Variants in CDK19 observed in about 807,000 individuals in gnomAD.
CDK19 encodes cyclin dependent kinase 19, also known as cyclin-dependent kinase 19.
In CDK19, 20 loss-of-function variants were observed where a neutral mutation model predicts 68.3. That is an observed-to-expected ratio of 0.29 (90% CI 0.21 to 0.43). CDK19 has a LOEUF of 0.43. Among genes scored for constraint, CDK19 ranks in the 20% least tolerant of loss-of-function variants. The pLI is 1.00. For missense variants in CDK19, 339 were observed against 623.5 expected, an observed-to-expected ratio of 0.54 and a Z score of 4.86; for synonymous variants, 221 against 222.8, an observed-to-expected ratio of 0.99 and a Z score of 0.07.
chr6:110,646,978 A>T (rs1780635873), intron 4 of CDK19, among the ~76,000 whole-genome samples: 1 of 150,652 alleles, frequency 6.6e-6, no homozygotes, highest in African/African-American at 2.4e-5. Context: ...GGCTGCAAGG[A>T]CTCCCCACAG....
At chr6:110,643,227 A>G in intron 4 of CDK19, 2 of 1,280,396 alleles carry the variant, frequency 1.6e-6, no homozygotes, top group Non-Finnish European at 2.0e-6. Flanking sequence ...TACATTTTCC[A>G]GCTAAAAGAC....
At chr6:110,649,016 C>T (rs1215150251) in intron 4 of CDK19, among the ~76,000 whole-genome samples, 1 of 151,994 alleles carries the variant, frequency 6.6e-6, no homozygotes, top group Non-Finnish European at 1.5e-5. Flanking sequence ...CTGGCCGAAA[C>T]CTTATCTTAA....
At chr6:110,641,393 T>A (rs1395871517) in intron 4 of CDK19, among the ~76,000 whole-genome samples, 1 of 151,740 alleles carries the variant, frequency 6.6e-6, no homozygotes, top group Non-Finnish European at 1.5e-5. Flanking sequence ...GGTCAGGAGT[T>A]CAAGACCGGC....
intron 1 of CDK19, among the ~76,000 whole-genome samples, chr6:110,766,150 A>G (rs551240301): frequency 6.6e-6 from 1 of 152,354 alleles, no homozygotes; most frequent in South Asian, 2.1e-4. Flanking sequence ...CTGCACTCCT[A>G]TGTTTATTGC....
At chr6:110,685,657 T>C (rs551591810) in intron 2 of CDK19, among the ~76,000 whole-genome samples, 162 of 152,280 alleles carry the variant, frequency 1.1e-3, no homozygotes, top group Middle Eastern at 3.4e-3. Context: ...CTTCCTAAGA[T>C]AAAAAGTCTG....
rs372994887 is a variant in CDK19, at chr6:110,671,416, A to T, written c.205-875T>A. On this transcript the variant is annotated intron_variant, in intron 2 of 12. Transcript: ENST00000368911. ...ATATTCAATTTAATAAATATTTTGA[A>T]TACCTTTTAAATGTAAAGCTCTGTG... Among the ~76,000 whole-genome samples, 16 of 152,206 alleles carry T rather than the reference A, an allele frequency of 1.1e-4. 1 individual carries two copies. Among genetic ancestry groups the T allele is most frequent in the Admixed American group, 9.2e-4 (14 of 15,278 alleles).
At chr6:110,772,293 G>A (rs2114997640) in intron 1 of CDK19, among the ~76,000 whole-genome samples, 1 of 152,134 alleles carries the variant, frequency 6.6e-6, no homozygotes, top group East Asian at 1.9e-4. Context: ...AAATGAGAAG[G>A]ATCCAAAAAC....
At chr6:110,758,200 C>T (rs1348790125) in intron 1 of CDK19, among the ~76,000 whole-genome samples, 4 of 151,380 alleles carry the variant, frequency 2.6e-5, no homozygotes, top group Non-Finnish European at 5.9e-5. Flanking sequence ...CCCACCTCCC[C>T]GCAACAAAAA....
intron 1 of CDK19, among the ~76,000 whole-genome samples, chr6:110,811,958 G>A (rs1583158515): frequency 6.6e-6 from 1 of 151,662 alleles, no homozygotes; most frequent in African/African-American, 2.4e-5. Flanking sequence ...AGCATTTTGG[G>A]AGGCTGAGAC....
rs149040277 is a variant in CDK19, at chr6:110,704,357, T to G, written c.205-33816A>C. Among the ~76,000 whole-genome samples the G allele has an allele frequency of 2.1e-3, 317 of 152,334 alleles. 2 individuals carry two copies. Among genetic ancestry groups the G allele is most frequent in the African/African-American group, 7.1e-3 (294 of 41,558 alleles). On this transcript the variant is annotated intron_variant, in intron 2 of 12. Transcript: ENST00000368911. ...CTTTTTTTAATTTCATGAACCCCAA[T>G]GTCATGTATCTTTACTACTTACCTT...
intron 2 of CDK19, among the ~76,000 whole-genome samples, chr6:110,699,621 T>C (rs1199926202): frequency 6.6e-6 from 1 of 152,082 alleles, no homozygotes; most frequent in Non-Finnish European, 1.5e-5. Context: ...TTGGTTATAA[T>C]GTACACTACT....
chr6:110,795,991 GGTAAA>G (rs1367779833), intron 1 of CDK19, among the ~76,000 whole-genome samples: 1 of 152,130 alleles, frequency 6.6e-6, no homozygotes, highest in Non-Finnish European at 1.5e-5. Context: ...TACATAATTA[GGTAAA>G]GTAATTTAGT....
chr6:110,733,415 G>C (rs1185881998), intron 2 of CDK19, among the ~76,000 whole-genome samples: 1 of 152,086 alleles, frequency 6.6e-6, no homozygotes, highest in African/African-American at 2.4e-5. Context: ...GAACATCCTT[G>C]TACAAGTTTT....
intron 4 of CDK19, among the ~76,000 whole-genome samples, chr6:110,653,815 T>A (rs1781130807): frequency 6.6e-6 from 1 of 152,212 alleles, no homozygotes; most frequent in African/African-American, 2.4e-5. Context: ...GTACTCCAGA[T>A]TTGCTTTTTC....
At chr6:110,779,828 T>C (rs2115026500) in intron 1 of CDK19, among the ~76,000 whole-genome samples, 1 of 152,290 alleles carries the variant, frequency 6.6e-6, no homozygotes, top group Non-Finnish European at 1.5e-5. Context: ...CTCACACCTG[T>C]AATCCCAGCA....
rs1484463614 is a variant in CDK19, at chr6:110,643,116, CT to C, written c.457-4411del. 9.3e-6 allele frequency: 10 copies of C among 1,075,438 alleles called. No homozygotes were observed. In the African/African-American group the frequency reaches 1.5e-4, roughly 16 times the overall value. 66.6% of individuals were successfully genotyped at this position (1,075,438 alleles called of 1,614,324 possible). On this transcript the variant is annotated intron_variant, in intron 4 of 12. Transcript: ENST00000368911. ...CCTGCTACCCCACAATCACTAAGAC[CT>C]TCAAGGGCACTAAAGGAAACCTAGA... is the stretch of plus-strand genomic sequence containing the variant.
chr6:110,674,901 CAAA>C (rs113776673), intron 2 of CDK19, among the ~76,000 whole-genome samples: 14 of 92,190 alleles, frequency 1.5e-4, no homozygotes, highest in Admixed American at 3.6e-4. Context: ...GACTCTGTCT[CAAA>C]AAAAAAAAAA....
chr6:110,625,362 T>C (rs1779022989), intron 8 of CDK19, among the ~76,000 whole-genome samples: 1 of 152,054 alleles, frequency 6.6e-6, no homozygotes. Context: ...GGTCTAACTA[T>C]GTTGCCCAGG....
intron 4 of CDK19, chr6:110,646,593 G>A (rs929194381): frequency 4.3e-6 from 3 of 704,830 alleles, no homozygotes; most frequent in African/African-American, 3.7e-5. Flanking sequence ...CCGGGCCAAC[G>A]GCGGAGGGGG....
Sources: gnomAD v4.1 joint callset for allele counts (sites outside exome capture counted in the v4.1 genomes callset) on GRCh38, gnomAD v4.1.1 for gene constraint, MANE v1.5 for transcripts, NCBI Gene and HGNC (gene_info 2026-07-23, HGNC 2026-07-21) for gene names.